TOPBP1: variants seen among roughly 807,000 people sequenced by gnomAD.
The protein encoded by TOPBP1 is DNA topoisomerase 2-binding protein 1.
Under a neutral mutation model 167.7 loss-of-function variants are expected in TOPBP1, and 28 were observed. The ratio of observed to expected loss-of-function variants is 0.17; its 90% confidence interval spans 0.12 to 0.23. TOPBP1 has a LOEUF of 0.23. Among genes scored for constraint, TOPBP1 ranks in the 10% least tolerant of loss-of-function variants. TOPBP1 has a pLI of 1.00. For missense variants in TOPBP1, 1,554 were observed against 1,809.6 expected, an observed-to-expected ratio of 0.86 and a Z score of 2.56; for synonymous variants, 598 against 611.4, an observed-to-expected ratio of 0.98 and a Z score of 0.32.
At chr3:133,636,273 G>GT (rs1935670405) in intron 14 of TOPBP1, among the ~76,000 whole-genome samples, 1 of 152,054 alleles carries the variant, frequency 6.6e-6, no homozygotes, top group African/African-American at 2.4e-5. Context: ...TAAATAAGTG[G>GT]TGAGTTTTTT....
rs1936736420 is a variant in TOPBP1, at chr3:133,661,900, A to G, written c.-139T>C. On this transcript the variant is annotated 5_prime_UTR_variant, in exon 1 of 28. Transcript: ENST00000260810. Reference sequence around the variant, plus strand: ...TCGGCGCCGCCCCTACCCCAAAGCAAACGCTGGAGAACCCGGAAATTGCCC... The same window carrying G: ...TCGGCGCCGCCCCTACCCCAAAGCAGACGCTGGAGAACCCGGAAATTGCCC... 6.6e-6 allele frequency: 1 copy of G among 152,214 alleles called. No homozygotes were observed. The highest frequency in any genetic ancestry group is 2.1e-4 in the South Asian group (1 of 4,838). The allele number at this position is 152,214 out of a possible 1,614,324, so 9.4% of individuals were successfully genotyped here. A position where few individuals can be genotyped will look rare whatever the true frequency, so the allele number is the denominator to read the frequency against.
chr3:133,624,256 A>G, intron 16 of TOPBP1, 81 bp from the exon 17 acceptor site: 4 of 1,510,334 alleles, frequency 2.6e-6, no homozygotes, highest in Admixed American at 1.8e-5. Context: ...TACTGTGAAC[A>G]GAATATTCTG....
intron 19 of TOPBP1, among the ~76,000 whole-genome samples, chr3:133,622,805 G>C (rs896736239): frequency 2.0e-5 from 3 of 152,064 alleles, no homozygotes; most frequent in Admixed American, 6.5e-5. Context: ...TAAAAACCTA[G>C]TTTCATAAAT....
At chr3:133,650,363 GT>G (rs1459141882) in intron 8 of TOPBP1, among the ~76,000 whole-genome samples, 25 of 91,158 alleles carry the variant, frequency 2.7e-4, no homozygotes, top group African/African-American at 8.5e-4. Flanking sequence ...TTGTGTGTGT[GT>G]GGGGGGCGGG....
chr3:133,659,134 T>C lies in TOPBP1; in HGVS notation c.101A>G (p.Gln34Arg). 6.4e-7 allele frequency: 1 copy of C among 1,573,096 alleles called. No homozygotes were observed. The highest frequency in any genetic ancestry group is 8.6e-7 in the Non-Finnish European group (1 of 1,160,856). The change falls in exon 3 of 28, where the codon CAA becomes CGA. Residue 34 changes from glutamine to arginine, a missense_variant. By Grantham distance (43) the Gln-to-Arg change is conservative. Coordinates refer to ENST00000260810, the MANE Select transcript of TOPBP1 (RefSeq NM_007027.4). Reference sequence around the variant, plus strand: ...AATAATCTGAAGATATTCTTCTGATTGGAATTCTTTTATGGACTGAAAGAA... The same window carrying C: ...AATAATCTGAAGATATTCTTCTGATCGGAATTCTTTTATGGACTGAAAGAA... The part of the protein sequence containing the change: ...FKALESIKEF[Q>R]SEEYLQIITE...
In TOPBP1 at chr3:133,644,372, G is replaced by A. The variant is rs749317842; in HGVS notation, c.1505-9C>T. On this transcript the variant is annotated splice_polypyrimidine_tract_variant and intron_variant, in intron 10 of 27. Transcript: ENST00000260810. ...AGACGTCTTAGCCTCAACTGAAAGA[G>A]AAAAGTAAATGTTTTCTAACCAACA... 1 of 1,543,932 alleles carries A rather than the reference G, an allele frequency of 6.5e-7. No individual in the cohort carries two copies. The highest frequency in any genetic ancestry group is 8.7e-7 in the Non-Finnish European group (1 of 1,149,524).
Position 133,618,410 on chromosome 3 carries a change from T to C in TOPBP1, c.3395A>G (p.Asp1132Gly). The change falls in exon 21 of 28, where the codon GAT becomes GGT. Residue 1132 changes from aspartate (D) to glycine (G), a missense_variant. Transcript: ENST00000260810. ...ALRQSRQTVP[D>G]VNTEPSQNEQ... ...ATTTTGGGAAGGCTCTGTGTTGACA[T>C]CAGGTACTGTCTGACGAGACTGCCT... 6.2e-7 allele frequency: 1 copy of C among 1,613,800 alleles called. No individual in the cohort carries two copies. The highest frequency in any genetic ancestry group is 1.3e-5 in the African/African-American group (1 of 75,038).
rs777082738 is a variant in TOPBP1, at chr3:133,628,404, C to T, written c.2762G>A (p.Ser921Asn). The T allele has an allele frequency of 5.0e-6, 8 of 1,609,258 alleles. No individual in the cohort carries two copies. The Admixed American group carries it at 1.3e-4, about 27-fold the overall frequency. The change falls in exon 16 of 28, where the codon AGT becomes AAT. Residue 921 changes from serine (S) to asparagine (N), a missense_variant. Transcript: ENST00000260810. ...AGAGGCTGCGATCCCATTTAGTTCA[C>T]TCTGCTTCTTACTGAGTTTTTTACT... ...CVSKKLSKKQ[S>N]ELNGIAASLG...
chr3:133,623,479 T>A (rs1395604768), intron 17 of TOPBP1, 22 bp from the exon 18 acceptor site: 1 of 1,590,598 alleles, frequency 6.3e-7, no homozygotes, highest in Non-Finnish European at 8.6e-7. Flanking sequence ...TGGTGTGCTT[T>A]AAGACAGGAC....
At chr3:133,657,316 C>T (rs1359909411) in intron 4 of TOPBP1, among the ~76,000 whole-genome samples, 5 of 150,650 alleles carry the variant, frequency 3.3e-5, no homozygotes, top group African/African-American at 4.9e-5. Flanking sequence ...TGCACTCCAG[C>T]GTGGGTGACA....
intron 14 of TOPBP1, among the ~76,000 whole-genome samples, 171 bp from the exon 15 acceptor site, chr3:133,628,904 AAATAAC>A (rs2107794965): frequency 6.6e-6 from 1 of 152,342 alleles, no homozygotes; most frequent in East Asian, 1.9e-4. Flanking sequence ...GTTTTCCTCC[AAATAAC>A]AAGAAAAAGA....
rs903258959 is a variant in TOPBP1 at position 133,618,503 on chromosome 3, G to A, written c.3372-70C>T. 10 of 1,467,242 alleles carry A rather than the reference G, an allele frequency of 6.8e-6. No homozygotes were observed. The African/African-American group carries it at 7.0e-5, about 10-fold the overall frequency. 90.9% of individuals were successfully genotyped at this position (1,467,242 alleles called of 1,614,324 possible). ...CCAAACTCATTAAATCCATAAGTTA[G>A]ACCATAAAAGTTGTGGCTCACCTTT... On this transcript the variant is annotated intron_variant, in intron 20 of 27. Coordinates refer to ENST00000260810, the MANE Select transcript of TOPBP1 (RefSeq NM_007027.4).
chr3:133,629,748 T>C (rs1935400177), intron 14 of TOPBP1, among the ~76,000 whole-genome samples: 1 of 152,134 alleles, frequency 6.6e-6, no homozygotes, highest in Non-Finnish European at 1.5e-5. Flanking sequence ...TCTTTTATAC[T>C]GAATGAGGTT....
chr3:133,648,997 T>C (rs1217202050), intron 10 of TOPBP1, among the ~76,000 whole-genome samples: 1 of 152,180 alleles, frequency 6.6e-6, no homozygotes, highest in East Asian at 1.9e-4. Context: ...GCAATTTACC[T>C]TACTACATGA....
rs1438093290 is a variant in TOPBP1 at position 133,637,990 on chromosome 3, G to A, written c.2406C>T (p.Val802=). 5.0e-6 allele frequency: 8 copies of A among 1,613,970 alleles called. No individual in the cohort carries two copies. The highest frequency in any genetic ancestry group is 5.9e-6 in the Non-Finnish European group (7 of 1,179,882). Reference sequence around the variant, plus strand: ...GTTGTCCTACTGCTGGGGAGGCTGCGACCTGTCTGGCATGTTGTGAGACCA... The same window carrying A: ...GTTGTCCTACTGCTGGGGAGGCTGCAACCTGTCTGGCATGTTGTGAGACCA... ...RAVVSQHARQ[V]AASPAVGQPL... is the part of the protein sequence containing the mutation. Residue 802 remains valine, a synonymous_variant, in exon 14 of 28, where the codon GTC becomes GTT. Coordinates refer to ENST00000260810, the MANE Select transcript of TOPBP1 (RefSeq NM_007027.4).
At position 133,643,328 on chromosome 3, in the gene TOPBP1, A is replaced by G; in HGVS notation, c.1893T>C (p.Asn631=). ...DYQTLFDPKS[N]PLFTPVPVMT... is the part of the protein sequence containing the mutation. ...TTACTGGAACTGGTGTGAAGAGAGGATTCGACTTTGGATCAAACAAAGTCT... is the reference window on the plus strand; with the variant it reads ...TTACTGGAACTGGTGTGAAGAGAGGGTTCGACTTTGGATCAAACAAAGTCT... The change falls in exon 12 of 28, where the codon AAT becomes AAC. Residue 631 remains asparagine (N), a synonymous_variant. Transcript: ENST00000260810. The G allele has an allele frequency of 1.9e-6, 3 of 1,609,452 alleles. No homozygotes were observed. Among genetic ancestry groups the G allele is most frequent in the Non-Finnish European group, 2.5e-6 (3 of 1,178,202 alleles).
chr3:133,653,311 T>G, intron 7 of TOPBP1, 34 bp downstream of exon 7: 1 of 1,520,140 alleles, frequency 6.6e-7, no homozygotes, highest in Non-Finnish European at 8.8e-7. Context: ...ATGACTGTCT[T>G]CAGAATAATT....
At chr3:133,623,512 T>A (rs949145158) in intron 17 of TOPBP1, 55 bp from the exon 18 acceptor site, 7 of 1,530,888 alleles carry the variant, frequency 4.6e-6, no homozygotes, top group Non-Finnish European at 6.2e-6. Context: ...AATGAATAGA[T>A]GATGTTAAGT....
chr3:133,651,353 A>G lies in TOPBP1; in HGVS notation c.1089+1110T>C, dbSNP rs571263080. 1.1e-4 allele frequency among the ~76,000 whole-genome samples: 17 copies of G among 150,738 alleles called. No individual in the cohort carries two copies. In the South Asian group the frequency reaches 3.6e-3, roughly 32 times the overall value. On this transcript the variant is annotated intron_variant, in intron 8 of 27. Transcript: ENST00000260810. ...AGGGGCCTGCCACAACGCCCAGCTA[A>G]TTTTTTTTGTATTTTTAGTAGAGAC...
Sources: gnomAD v4.1 joint callset for allele counts (sites outside exome capture counted in the v4.1 genomes callset) on GRCh38, gnomAD v4.1.1 for gene constraint, MANE v1.5 for transcripts, NCBI Gene and HGNC (gene_info 2026-07-23, HGNC 2026-07-21) for gene names.